The following GNAL variants were observed in gnomAD, a reference collection of about 807,000 sequenced individuals.
GNAL encodes the protein guanine nucleotide-binding protein G(olf) subunit alpha.
A neutral mutation model predicts 55.1 loss-of-function variants in GNAL; 18 were observed. That is an observed-to-expected ratio of 0.33 (90% confidence interval 0.23 to 0.48). The LOEUF (loss-of-function observed/expected upper bound fraction) is 0.48, where lower values mean the gene tolerates loss of function less well. GNAL is among the 20% of genes least tolerant of loss of function. The pLI is 0.99. For synonymous variants in GNAL, 253 were observed against 237.0 expected, an observed-to-expected ratio of 1.07 and a Z score of -0.62; for missense variants, 412 against 614.1, an observed-to-expected ratio of 0.67 and a Z score of 3.48.
intron 11 of GNAL, among the ~76,000 whole-genome samples, chr18:11,879,904 GGCC>G (rs2036623428): frequency 6.6e-6 from 1 of 152,262 alleles, no homozygotes. Context: ...CCTGTGTGGA[GGCC>G]GCCACCGGGC....
intron 1 of GNAL, among the ~76,000 whole-genome samples, chr18:11,735,271 G>C (rs2032435629): frequency 6.6e-6 from 1 of 151,736 alleles, no homozygotes; most frequent in African/African-American, 2.4e-5. Context: ...GGCTGGTCTT[G>C]AACTCCTGAC....
rs2036882519 is a variant in GNAL, at chr18:11,884,524, A to T, written c.*3389A>T. On this transcript the variant is annotated 3_prime_UTR_variant, in exon 12 of 12. Coordinates refer to ENST00000334049, the MANE Select transcript of GNAL (RefSeq NM_182978.4). ...TAGAAGCCCAAAGTGAGTGAGTGTGAGGACCACAAGGAAGCCCACCACTCC... is the reference window on the plus strand; with the variant it reads ...TAGAAGCCCAAAGTGAGTGAGTGTGTGGACCACAAGGAAGCCCACCACTCC... The T allele has an allele frequency of 6.2e-7, 1 of 1,614,026 alleles. No homozygotes were observed. Among genetic ancestry groups the T allele is most frequent in the Non-Finnish European group, 8.5e-7 (1 of 1,180,018 alleles).
At chr18:11,850,852 G>C (rs796197548) in intron 5 of GNAL, among the ~76,000 whole-genome samples, 1 of 152,198 alleles carries the variant, frequency 6.6e-6, no homozygotes, top group African/African-American at 2.4e-5. Context: ...GCAATAAAAG[G>C]ATATTACAGA....
At chr18:11,862,314 TG>T in intron 5 of GNAL, 80 bp from the exon 6 acceptor site, 1 of 1,044,308 alleles carries the variant, frequency 9.6e-7, no homozygotes, top group African/African-American at 1.6e-5. Context: ...TGTACTTGGG[TG>T]ATGTCCCATT....
At position 11,843,362 on chromosome 18, in the gene GNAL, T is replaced by C. The variant is rs140567646; in HGVS notation, c.722+18347T>C. On this transcript the variant is annotated intron_variant, in intron 5 of 11. Coordinates refer to ENST00000334049, the MANE Select transcript of GNAL (RefSeq NM_182978.4). The stretch of plus-strand genomic sequence containing the variant: ...GAAAATATGTAAAATTTTTTACTAC[T>C]AAAAATACAAAAATTAGCGGAGAGT... Among the ~76,000 whole-genome samples the C allele has an allele frequency of 8.7e-3, 1,324 of 152,128 alleles. 12 individuals carry two copies. The highest frequency in any genetic ancestry group is 0.014 in the Non-Finnish European group (973 of 68,004).
chr18:11,754,359 A>G (rs1003751765), intron 4 of GNAL, among the ~76,000 whole-genome samples: 14 of 151,728 alleles, frequency 9.2e-5, no homozygotes, highest in South Asian at 6.2e-4. Flanking sequence ...GGAGGTTGCC[A>G]TGAGCCGAGA....
Position 11,701,875 on chromosome 18 carries a change from C to T in GNAL, c.376+11936C>T, listed in dbSNP as rs114177145. Among the ~76,000 whole-genome samples, 552 of 152,206 alleles carry T rather than the reference C, an allele frequency of 3.6e-3. 3 individuals carry two copies. Among genetic ancestry groups the T allele is most frequent in the African/African-American group, 0.013 (534 of 41,524 alleles). ...GTGCTCCACAAGTCAATATTAGGAG[C>T]TGCATTTTGTAGATTGCACCATGAT... On this transcript the variant is annotated intron_variant, in intron 1 of 11. Coordinates refer to ENST00000334049, the MANE Select transcript of GNAL (RefSeq NM_182978.4).
Position 11,753,363 on chromosome 18 carries a change from A to G in GNAL, c.450-265A>G, listed in dbSNP as rs533535149. Among the ~76,000 whole-genome samples, 9 of 152,328 alleles carry G rather than the reference A, an allele frequency of 5.9e-5. No individual in the cohort carries two copies. The South Asian group carries it at 1.2e-3, about 21-fold the overall frequency. ...TGCAATATCCATAGCGATTTTGCCT[A>G]GTTTTTCTGTAACCTGCATAGTTGT... On this transcript the variant is annotated intron_variant, in intron 2 of 11. Transcript: ENST00000334049.
At chr18:11,841,813 A>G (rs907328839) in intron 5 of GNAL, among the ~76,000 whole-genome samples, 1 of 152,148 alleles carries the variant, frequency 6.6e-6, no homozygotes, top group African/African-American at 2.4e-5. Flanking sequence ...GAATGTTACA[A>G]ATGCATCAGG....
intron 4 of GNAL, among the ~76,000 whole-genome samples, chr18:11,755,197 AC>A: frequency 6.6e-6 from 1 of 152,298 alleles, no homozygotes; most frequent in Admixed American, 6.5e-5. Context: ...CCCCTGGCTC[AC>A]CCCACCCCTT....
At chr18:11,879,847 T>TC (rs1362627597) in intron 11 of GNAL, among the ~76,000 whole-genome samples, 3 of 152,164 alleles carry the variant, frequency 2.0e-5, no homozygotes, top group African/African-American at 7.2e-5. Flanking sequence ...CAGCAAACGT[T>TC]CCCCCGATAA....
chr18:11,768,361 G>C (rs2033478578), intron 4 of GNAL, among the ~76,000 whole-genome samples: 1 of 152,198 alleles, frequency 6.6e-6, no homozygotes, highest in South Asian at 2.1e-4. Flanking sequence ...AGCACTTTCA[G>C]AGGCTGAGGC....
At chr18:11,709,491 T>C (rs1341998324) in intron 1 of GNAL, among the ~76,000 whole-genome samples, 1 of 152,294 alleles carries the variant, frequency 6.6e-6, no homozygotes, top group East Asian at 1.9e-4. Flanking sequence ...CTTATATCAC[T>C]GTTTTGTAGT....
At position 11,885,609 on chromosome 18, in the gene GNAL, T is replaced by C; in HGVS notation, c.*4474T>C. The stretch of plus-strand genomic sequence containing the variant: ...ATTTTGACCGATTGCAGCAATTAAA[T>C]AGTTGATTACTGTGTTGATTTAAAT... On this transcript the variant is annotated 3_prime_UTR_variant, in exon 12 of 12. Transcript: ENST00000334049. 5.2e-6 allele frequency: 8 copies of C among 1,542,202 alleles called. No homozygotes were observed. Among genetic ancestry groups the C allele is most frequent in the Non-Finnish European group, 7.1e-6 (8 of 1,132,840 alleles).
rs1436818038 is a variant in GNAL at position 11,825,032 on chromosome 18, A to G, written c.722+17A>G. ...TGCACAATAGTAAGTTGTGTCCTGTACAAGTTACAGGGCCCTTTGAAGAAT... is the reference window on the plus strand; with the variant it reads ...TGCACAATAGTAAGTTGTGTCCTGTGCAAGTTACAGGGCCCTTTGAAGAAT... On this transcript the variant is annotated intron_variant, in intron 5 of 11. Transcript: ENST00000334049. The G allele has an allele frequency of 6.6e-6, 9 of 1,357,184 alleles. No homozygotes were observed. Among genetic ancestry groups the G allele is most frequent in the African/African-American group, 2.9e-5 (2 of 69,430 alleles). The allele number at this position is 1,357,184 out of a possible 1,614,324, so 84.1% of individuals were successfully genotyped here.
At chr18:11,873,287 A>G (rs1391867055) in intron 10 of GNAL, among the ~76,000 whole-genome samples, 1 of 152,204 alleles carries the variant, frequency 6.6e-6, no homozygotes, top group Non-Finnish European at 1.5e-5. Flanking sequence ...TTTGTCATTA[A>G]ACTTTTTTGC....
chr18:11,772,070 A>C (rs1220389601), intron 4 of GNAL, among the ~76,000 whole-genome samples: 1 of 152,112 alleles, frequency 6.6e-6, no homozygotes, highest in Non-Finnish European at 1.5e-5. Context: ...ACATCATACA[A>C]ATCATTTCAA....
intron 1 of GNAL, among the ~76,000 whole-genome samples, chr18:11,710,690 T>C (rs2143359586): frequency 6.6e-6 from 1 of 152,256 alleles, no homozygotes; most frequent in Middle Eastern, 3.4e-3. Context: ...GTTGGCACTT[T>C]TTTCTTTTAG....
At chr18:11,715,223 G>A (rs2031928452) in intron 1 of GNAL, among the ~76,000 whole-genome samples, 1 of 151,958 alleles carries the variant, frequency 6.6e-6, no homozygotes, top group Non-Finnish European at 1.5e-5. Flanking sequence ...ACTTTGGGAG[G>A]CCGAGGTGGG....
Sources: allele counts gnomAD v4.1 joint callset (sites outside exome capture counted in the v4.1 genomes callset), GRCh38; gene constraint gnomAD v4.1.1; transcripts MANE v1.5; gene names NCBI Gene and HGNC (gene_info 2026-07-23, HGNC 2026-07-21).